The following KANTR variants were observed in gnomAD, a reference collection of about 807,000 sequenced individuals.
The protein encoded by KANTR is KANTR integral membrane protein, also known as KDM5C adjacent transcript.
At chrX:53,143,292 T>G, downstream of KANTR, 1 of 602,213 alleles carries the variant, frequency 1.7e-6, no homozygotes, top group Non-Finnish European at 2.8e-6. Flanking sequence ...CTCGTTGATG[T>G]CGCGCACAAT....
chrX:53,106,182 C>T (rs1286062409), intron 2 of KANTR, among the ~76,000 whole-genome samples: 6 of 109,749 alleles, frequency 5.5e-5, no homozygotes, highest in Non-Finnish European at 9.4e-5. Flanking sequence ...TAAATATTTT[C>T]TCCCATTCTG....
chrX:53,096,216 T>TTTGCTTAGTATGTTTG (rs1196519117), intron 1 of KANTR, among the ~76,000 whole-genome samples: 1 of 111,952 alleles, frequency 8.9e-6, no homozygotes, highest in Non-Finnish European at 1.9e-5. Context: ...CTGTTTATTG[T>TTTGCTTAGTATGTTTG]CTGACTCTCC....
downstream of KANTR, chrX:53,143,699 C>T (rs782200050): frequency 7.2e-5 from 48 of 665,804 alleles, no homozygotes; most frequent in African/African-American, 1.7e-4. Flanking sequence ...ATGCCATGCT[C>T]GATAGGGTAC....
intron 2 of KANTR, among the ~76,000 whole-genome samples, chrX:53,100,039 G>A (rs1350429345): frequency 5.4e-5 from 6 of 112,112 alleles, no homozygotes; most frequent in African/African-American, 1.9e-4. Flanking sequence ...ATGAACACTG[G>A]CTTCAAGTTA....
downstream of KANTR, among the ~76,000 whole-genome samples, chrX:53,146,812 A>T (rs782004467): frequency 1.1e-3 from 123 of 112,117 alleles, 1 homozygote; most frequent in African/African-American, 3.7e-3. Flanking sequence ...GTGGGGGCCA[A>T]CATTCAACAT....
At chrX:53,110,949 CCTT>C (rs781905430) in intron 2 of KANTR, among the ~76,000 whole-genome samples, 97 of 109,183 alleles carry the variant, frequency 8.9e-4, no homozygotes, top group African/African-American at 3.0e-3. Flanking sequence ...TGGAAGTATG[CCTT>C]CTTCTTCAGT....
intron 2 of KANTR, among the ~76,000 whole-genome samples, chrX:53,108,015 G>C (rs1449230457): frequency 9.4e-6 from 1 of 106,183 alleles, no homozygotes; most frequent in Non-Finnish European, 1.9e-5. Context: ...TCAGCCTCCA[G>C]AGTAGCTGGG....
At chrX:53,106,013 A>T (rs1932949128) in intron 2 of KANTR, among the ~76,000 whole-genome samples, 1 of 104,859 alleles carries the variant, frequency 9.5e-6, no homozygotes, top group African/African-American at 3.6e-5. Context: ...GCCCGCCACC[A>T]TGCCCAGCTA....
chrX:53,136,694 ATATATATATATATATATATATATAT>A, intron 2 of KANTR, among the ~76,000 whole-genome samples: 1 of 3,980 alleles, frequency 2.5e-4, no homozygotes, highest in Admixed American at 5.2e-3. Context: ...CACGCCCGGC[ATATATATATATATATATATATATAT>A]ATATATATAT....
chrX:53,142,778 A>G, downstream of KANTR: 3 of 463,804 alleles, frequency 6.5e-6, no homozygotes, highest in Non-Finnish European at 8.0e-6. Flanking sequence ...GAGGGGCCAG[A>G]CTCATCATAC....
chrX:53,108,446 C>T (rs1932982328), intron 2 of KANTR, among the ~76,000 whole-genome samples: 1 of 110,473 alleles, frequency 9.1e-6, no homozygotes, highest in Non-Finnish European at 1.9e-5. Flanking sequence ...AAGTAATCCA[C>T]CCGACCTCAG....
intron 2 of KANTR, among the ~76,000 whole-genome samples, chrX:53,140,250 A>G (rs1286433572): frequency 9.0e-6 from 1 of 111,719 alleles, no homozygotes; most frequent in African/African-American, 3.3e-5. Context: ...CAATCCCAGC[A>G]CTTTGGAAGG....
chrX:53,137,502 C>T (rs112797726), intron 2 of KANTR, among the ~76,000 whole-genome samples: 6,396 of 111,866 alleles, frequency 0.057, 166 homozygotes, highest in African/African-American at 0.096. Context: ...CAGTGGCTCA[C>T]GCCTGTAATC....
At chrX:53,126,913 C>T (rs1175902788) in exon 3 of KANTR, 2 of 111,452 alleles carry the variant, frequency 1.8e-5, no homozygotes, top group Non-Finnish European at 3.8e-5. Flanking sequence ...TCAACAAAAG[C>T]CAAAGCCCTC....
At chrX:53,131,296 G>T (rs1452889828), downstream of KANTR, among the ~76,000 whole-genome samples, 1 of 111,463 alleles carries the variant, frequency 9.0e-6, no homozygotes, top group Admixed American at 9.5e-5. Flanking sequence ...AAACAGGCGC[G>T]TGGTGGGGAG....
chrX:53,120,256 G>T (rs782333128), intron 2 of KANTR, among the ~76,000 whole-genome samples: 1 of 110,871 alleles, frequency 9.0e-6, no homozygotes, highest in Non-Finnish European at 1.9e-5. Context: ...AGCTGGTCTC[G>T]AACTCTTGGC....
chrX:53,116,677 G>C (rs1933128776), intron 2 of KANTR, among the ~76,000 whole-genome samples: 1 of 111,508 alleles, frequency 9.0e-6, no homozygotes, highest in Admixed American at 9.5e-5. Flanking sequence ...TTTGGATGAT[G>C]ATTTTCACTT....
downstream of KANTR, among the ~76,000 whole-genome samples, chrX:53,145,175 G>T (rs782461957): frequency 9.0e-6 from 1 of 111,446 alleles, no homozygotes; most frequent in African/African-American, 3.3e-5. Flanking sequence ...TGGGTACAGT[G>T]CACTGAGCGT....
At chrX:53,128,734 C>T (rs1933320934), downstream of KANTR, among the ~76,000 whole-genome samples, 2 of 110,449 alleles carry the variant, frequency 1.8e-5, no homozygotes, top group African/African-American at 3.3e-5. Flanking sequence ...TTATGTTGTT[C>T]ATATTATTTG....
Sources: gnomAD v4.1 joint callset for allele counts (sites outside exome capture counted in the v4.1 genomes callset) on GRCh38, gnomAD v4.1.1 for gene constraint, MANE v1.5 for transcripts, NCBI Gene and HGNC (gene_info 2026-07-23, HGNC 2026-07-21) for gene names.